QKI: variants seen among roughly 807,000 people sequenced by gnomAD.
QKI encodes the protein QKI, KH domain containing RNA binding, also known as KH domain-containing RNA-binding protein QKI.
In QKI, 10 loss-of-function variants were observed where a neutral mutation model predicts 39.0. That is an observed-to-expected ratio of 0.26 (90% confidence interval 0.16 to 0.43). QKI has a LOEUF of 0.43. QKI is among the 20% of genes least tolerant of loss of function. The pLI, the probability that QKI is intolerant of heterozygous loss-of-function variation, is 1.00. For missense variants in QKI, 218 were observed against 428.0 expected, an observed-to-expected ratio of 0.51 and a Z score of 4.33; for synonymous variants, 204 against 155.4, an observed-to-expected ratio of 1.31 and a Z score of -2.33.
chr6:163,569,599 A>T, intron 7 of QKI: 1 of 1,024,780 alleles, frequency 9.8e-7, no homozygotes, highest in Non-Finnish European at 1.2e-6. Flanking sequence ...ACTCAAGGAC[A>T]TTGGGAATGA....
chr6:163,495,457 T>G (rs1778349059), intron 3 of QKI, among the ~76,000 whole-genome samples: 1 of 152,172 alleles, frequency 6.6e-6, no homozygotes, highest in Non-Finnish European at 1.5e-5. Context: ...TGCTGAATCA[T>G]TTGAGAGCAA....
Position 163,484,883 on chromosome 6 carries a change from G to T in QKI, c.402+5987G>T, listed in dbSNP as rs115261065. 3.1e-3 allele frequency among the ~76,000 whole-genome samples: 478 copies of T among 152,310 alleles called. 3 individuals carry two copies. The highest frequency in any genetic ancestry group is 0.011 in the African/African-American group (453 of 41,562). On this transcript the variant is annotated intron_variant, in intron 3 of 7. Transcript: ENST00000361752. ...AATGTGGCTTGGAGACACGAATTGA[G>T]CACATGGTGTTGGAAAAATGGTGCC...
At chr6:163,450,156 T>A (rs1790446901) in intron 1 of QKI, among the ~76,000 whole-genome samples, 1 of 152,000 alleles carries the variant, frequency 6.6e-6, no homozygotes, top group African/African-American at 2.4e-5. Context: ...CTCCCGAGTT[T>A]AAGCAATTCT....
At chr6:163,567,463 AT>A in intron 7 of QKI, 8 of 985,076 alleles carry the variant, frequency 8.1e-6, no homozygotes, top group Non-Finnish European at 9.6e-6. Context: ...GCTAAAATAT[AT>A]TATCTGAAGG....
intron 2 of QKI, among the ~76,000 whole-genome samples, chr6:163,460,948 A>C (rs570361222): frequency 1.3e-5 from 2 of 152,212 alleles, no homozygotes; most frequent in Admixed American, 1.3e-4. Context: ...ACAGAAATCT[A>C]TTTAAAGGTA....
At chr6:163,501,853 T>C (rs1312198626) in intron 3 of QKI, among the ~76,000 whole-genome samples, 1 of 152,242 alleles carries the variant, frequency 6.6e-6, no homozygotes, top group Admixed American at 6.5e-5. Context: ...CCTTTATTTA[T>C]CTGTTTGGAA....
At chr6:163,430,653 C>G (rs1031674998) in intron 1 of QKI, among the ~76,000 whole-genome samples, 1 of 152,094 alleles carries the variant, frequency 6.6e-6, no homozygotes, top group Non-Finnish European at 1.5e-5. Flanking sequence ...ATATTCTGGT[C>G]TAGATAGTAT....
intron 1 of QKI, among the ~76,000 whole-genome samples, chr6:163,430,456 C>T (rs1788735709): frequency 1.3e-5 from 2 of 150,680 alleles, no homozygotes; most frequent in African/African-American, 4.9e-5. Flanking sequence ...TTTTTGTTTT[C>T]CTAGTGCATT....
At position 163,415,307 on chromosome 6, in the gene QKI, C is replaced by T. The variant is rs752291900; in HGVS notation, c.114C>T (p.Phe38=). ...MSSLPNFCGI[F]NHLERLLDEE... ...GCCTGCCCAACTTCTGCGGGATCTT[C>T]AACCACCTCGAGCGGCTGCTGGACG... The change falls in exon 1 of 8, where the codon TTC becomes TTT. Residue 38 remains phenylalanine (F), a synonymous_variant. Coordinates refer to ENST00000361752, the MANE Select transcript of QKI (RefSeq NM_006775.3). 3.1e-6 allele frequency: 5 copies of T among 1,593,872 alleles called. No individual in the cohort carries two copies. Among genetic ancestry groups the T allele is most frequent in the Non-Finnish European group, 3.4e-6 (4 of 1,167,300 alleles).
At chr6:163,471,404 A>G (rs867473681) in intron 2 of QKI, among the ~76,000 whole-genome samples, 6 of 152,200 alleles carry the variant, frequency 3.9e-5, no homozygotes, top group African/African-American at 9.6e-5. Flanking sequence ...AAGAGCAACA[A>G]AAATGGTAAA....
At chr6:163,430,356 CT>C (rs1045314324) in intron 1 of QKI, among the ~76,000 whole-genome samples, 3 of 152,080 alleles carry the variant, frequency 2.0e-5, no homozygotes, top group African/African-American at 7.2e-5. Flanking sequence ...CTTTGACTCT[CT>C]TTAGGTTTTT....
chr6:163,490,215 G>A (rs1249118841), intron 3 of QKI, among the ~76,000 whole-genome samples: 4 of 152,178 alleles, frequency 2.6e-5, no homozygotes, highest in African/African-American at 9.6e-5. Context: ...CCATATTTGT[G>A]ATACTTAATT....
intron 3 of QKI, among the ~76,000 whole-genome samples, chr6:163,533,836 A>C (rs997511841): frequency 1.3e-5 from 2 of 152,026 alleles, no homozygotes; most frequent in African/African-American, 4.8e-5. Context: ...CATCCTAAAG[A>C]TGTGTTGATT....
At chr6:163,569,900 A>G in intron 7 of QKI, 1 of 987,240 alleles carries the variant, frequency 1.0e-6, no homozygotes, top group Non-Finnish European at 1.2e-6. Context: ...AGAATTTTAA[A>G]TGGCAGGATT....
intron 3 of QKI, among the ~76,000 whole-genome samples, chr6:163,490,105 G>A (rs757996742): frequency 4.6e-5 from 7 of 152,068 alleles, no homozygotes; most frequent in Non-Finnish European, 8.8e-5. Flanking sequence ...AGTAGAATTC[G>A]CTATGAAAAC....
At chr6:163,482,282 A>G (rs1196377852) in intron 3 of QKI, among the ~76,000 whole-genome samples, 1 of 152,246 alleles carries the variant, frequency 6.6e-6, no homozygotes, top group Non-Finnish European at 1.5e-5. Flanking sequence ...CTTCAGACAT[A>G]CTAGAACAAC....
At chr6:163,473,719 G>A (rs1792373313) in intron 2 of QKI, among the ~76,000 whole-genome samples, 1 of 152,124 alleles carries the variant, frequency 6.6e-6, no homozygotes, top group South Asian at 2.1e-4. Context: ...GAAATCTCTA[G>A]GCTCAGGTAG....
chr6:163,558,385 C>A (rs1166954902), intron 4 of QKI, among the ~76,000 whole-genome samples: 1 of 151,142 alleles, frequency 6.6e-6, no homozygotes, highest in Non-Finnish European at 1.5e-5. Context: ...CCTGTTGTCT[C>A]TTCTTTTTTT....
intron 3 of QKI, among the ~76,000 whole-genome samples, chr6:163,491,727 T>C (rs1419892783): frequency 6.6e-6 from 1 of 152,186 alleles, no homozygotes; most frequent in African/African-American, 2.4e-5. Context: ...TTGGGAAGAC[T>C]TGAAATAAAA....
Sources: allele counts gnomAD v4.1 joint callset (sites outside exome capture counted in the v4.1 genomes callset), GRCh38; gene constraint gnomAD v4.1.1; transcripts MANE v1.5; gene names NCBI Gene and HGNC (gene_info 2026-07-23, HGNC 2026-07-21).